The following SH3D19 variants were observed in gnomAD, a reference collection of about 807,000 sequenced individuals.
SH3D19 encodes the protein SH3 domain-containing protein 19.
Under a neutral mutation model 112.1 loss-of-function variants are expected in SH3D19, and 58 were observed. The observed-to-expected ratio is 0.52, with a 90% CI of 0.42 to 0.64. The LOEUF is 0.64. Ranked by LOEUF, SH3D19 falls within the 30% of genes least tolerant of loss-of-function variation. The pLI, the probability that SH3D19 is intolerant of heterozygous loss-of-function variation, is 0.00. For synonymous variants in SH3D19, 391 were observed against 448.5 expected (o/e 0.87, Z 1.62); for missense variants, 1,090 against 1,263.4 (o/e 0.86, Z 2.08).
At chr4:151,321,946 T>C (rs1007638823) in intron 1 of SH3D19, among the ~76,000 whole-genome samples, 4 of 152,150 alleles carry the variant, frequency 2.6e-5, no homozygotes, top group African/African-American at 7.2e-5. Flanking sequence ...AATTCAGGTG[T>C]TGTGTCTAGC....
chr4:151,316,771 G>T (rs1730030741), intron 1 of SH3D19, among the ~76,000 whole-genome samples: 1 of 152,058 alleles, frequency 6.6e-6, no homozygotes, highest in Non-Finnish European at 1.5e-5. Flanking sequence ...TGAAGGTGAG[G>T]CCAACAGCTG....
intron 1 of SH3D19, among the ~76,000 whole-genome samples, chr4:151,249,091 T>C (rs541924296): frequency 1.3e-5 from 2 of 152,298 alleles, no homozygotes; most frequent in South Asian, 4.1e-4. Flanking sequence ...TGCCCAACTA[T>C]AAAACACTCA....
At chr4:151,191,442 CA>C (rs1762617596) in intron 2 of SH3D19, among the ~76,000 whole-genome samples, 1 of 152,118 alleles carries the variant, frequency 6.6e-6, no homozygotes, top group Non-Finnish European at 1.5e-5. Context: ...TTAACTTCCA[CA>C]ATTCTCATGT....
rs1765285329 is a variant in SH3D19, at chr4:151,207,477, A to G, written c.152+18570T>C. Among the ~76,000 whole-genome samples the G allele has an allele frequency of 2.0e-5, 3 of 152,224 alleles. No homozygotes were observed. In the East Asian group the frequency reaches 5.8e-4, roughly 29 times the overall value. On this transcript the variant is annotated intron_variant, in intron 2 of 19. Transcript: ENST00000604030. ...ATTAGGTTATGCTCAAAGAAATGCA[A>G]TGAGCTTCCCTAAAGGAAGTTGATC...
chr4:151,182,512 A>T (rs1003083331), intron 3 of SH3D19, among the ~76,000 whole-genome samples: 1 of 152,214 alleles, frequency 6.6e-6, no homozygotes, highest in Admixed American at 6.5e-5. Context: ...ACTGCCGCTG[A>T]AGAACATGGA....
chr4:151,238,479 T>A (rs1770303568), intron 1 of SH3D19, among the ~76,000 whole-genome samples: 1 of 152,244 alleles, frequency 6.6e-6, no homozygotes, highest in Admixed American at 6.5e-5. Flanking sequence ...CTTTTTATTG[T>A]CTTCTCTTCC....
chr4:151,263,673 G>A (rs1397583250), intron 1 of SH3D19, among the ~76,000 whole-genome samples: 1 of 152,214 alleles, frequency 6.6e-6, no homozygotes, highest in African/African-American at 2.4e-5. Context: ...GCTCACTCAT[G>A]TGCCTGTTAC....
chr4:151,325,265 C>A lies in SH3D19; in HGVS notation c.88G>T (p.Ala30Ser). Residue 30 changes from alanine (A) to serine (S), a missense_variant, in exon 1 of 20, where the codon GCG (alanine) becomes TCG (serine). Ala to Ser is a moderately conservative substitution (Grantham distance 99). Coordinates refer to ENST00000604030, the MANE Select transcript of SH3D19 (RefSeq NM_001378122.1). ...CCTGCGGCCGAGTGGCCCGAGAGCG[C>A]ACGGCCCCGGGCGCGGCGCTGGCCA... ...LGGQRRARGR[A>S]LSGHSAADRN... 1 of 1,221,902 alleles carries A rather than the reference C, an allele frequency of 8.2e-7. No homozygotes were observed. Among genetic ancestry groups the A allele is most frequent in the Non-Finnish European group, 1.0e-6 (1 of 981,518 alleles). 75.7% of individuals were successfully genotyped at this position (1,221,902 alleles called of 1,614,324 possible).
At chr4:151,230,363 C>T (rs140615109) in intron 1 of SH3D19, among the ~76,000 whole-genome samples, 7 of 152,228 alleles carry the variant, frequency 4.6e-5, no homozygotes, top group Admixed American at 4.6e-4. Flanking sequence ...GAAGAATAGC[C>T]AACTCAGAAC....
chr4:151,255,537 T>C (rs1771815920), intron 1 of SH3D19, among the ~76,000 whole-genome samples: 1 of 147,442 alleles, frequency 6.8e-6, no homozygotes, highest in Admixed American at 6.7e-5. Context: ...CTCCTCACTT[T>C]CCAGACTGGG....
intron 7 of SH3D19, among the ~76,000 whole-genome samples, chr4:151,166,547 G>T (rs756511095): frequency 1.8e-4 from 27 of 150,816 alleles, no homozygotes; most frequent in Admixed American, 2.0e-4. Flanking sequence ...AAAAATAAAA[G>T]AAAATGCTCT....
chr4:151,165,443 G>T (rs961065227), intron 8 of SH3D19, 146 bp downstream of exon 8: 12 of 624,476 alleles, frequency 1.9e-5, no homozygotes, highest in Non-Finnish European at 3.0e-5. Context: ...ATTCTTCGAA[G>T]AATTGTGAAA....
At chr4:151,213,232 G>A (rs1045183296) in intron 2 of SH3D19, among the ~76,000 whole-genome samples, 1 of 152,186 alleles carries the variant, frequency 6.6e-6, no homozygotes, top group Admixed American at 6.5e-5. Flanking sequence ...AACAGGATTG[G>A]CTCCAATTTT....
Position 151,128,171 on chromosome 4 carries a change from T to G in SH3D19, c.2928A>C (p.Pro976=), listed in dbSNP as rs564906365. 1.0e-5 allele frequency: 16 copies of G among 1,595,490 alleles called. No homozygotes were observed. The South Asian group carries it at 1.7e-4, about 17-fold the overall frequency. The change falls in exon 18 of 20, where the codon CCA becomes CCC. Residue 976 remains proline (P), a splice_region_variant and synonymous_variant. Coordinates refer to ENST00000604030, the MANE Select transcript of SH3D19 (RefSeq NM_001378122.1). ...IFPAVFVRPC[P]AEAKSMLAIV... is the part of the protein sequence containing the mutation. ...ATTCATGTCTTGCGGTTGTCATACC[T>G]GGGCAGGGCCTCACAAACACTGCTG...
intron 17 of SH3D19, among the ~76,000 whole-genome samples, chr4:151,131,865 C>T (rs1369011435): frequency 2.0e-5 from 3 of 152,018 alleles, no homozygotes; most frequent in Non-Finnish European, 4.4e-5. Context: ...CGCACTGCCA[C>T]CCAGGCTGGA....
chr4:151,207,787 C>T (rs1407859875), intron 2 of SH3D19, among the ~76,000 whole-genome samples: 1 of 152,202 alleles, frequency 6.6e-6, no homozygotes, highest in Non-Finnish European at 1.5e-5. Context: ...CCCACCATGA[C>T]CACACACCCT....
intron 1 of SH3D19, among the ~76,000 whole-genome samples, chr4:151,248,630 A>C (rs1241320868): frequency 6.6e-6 from 1 of 152,158 alleles, no homozygotes. Flanking sequence ...CAGCATTGAG[A>C]AATTCTTCCA....
At chr4:151,264,812 A>G (rs776156381) in intron 1 of SH3D19, among the ~76,000 whole-genome samples, 6 of 152,196 alleles carry the variant, frequency 3.9e-5, no homozygotes, top group African/African-American at 7.2e-5. Context: ...CTGATATACA[A>G]AGAATGGTTA....
intron 17 of SH3D19, among the ~76,000 whole-genome samples, chr4:151,131,306 T>C (rs1750641956): frequency 6.6e-6 from 1 of 152,106 alleles, no homozygotes; most frequent in Non-Finnish European, 1.5e-5. Flanking sequence ...CTCTTTTTTT[T>C]TTAACACTCA....
Sources: allele counts gnomAD v4.1 joint callset (sites outside exome capture counted in the v4.1 genomes callset), GRCh38; gene constraint gnomAD v4.1.1; transcripts MANE v1.5; gene names NCBI Gene and HGNC (gene_info 2026-07-23, HGNC 2026-07-21).